HELLS: variants seen among roughly 807,000 people sequenced by gnomAD.
HELLS encodes the protein helicase, lymphoid specific.
HELLS carries 32 observed loss-of-function variants against 120.0 expected under a neutral mutation model. The ratio of observed to expected loss-of-function variants is 0.27; its 90% CI spans 0.20 to 0.36. The LOEUF (loss-of-function observed/expected upper bound fraction) is 0.36, where lower values mean the gene tolerates loss of function less well. Among genes scored for constraint, HELLS ranks in the 10% least tolerant of loss-of-function variants. The pLI is 1.00. For missense variants in HELLS, 650 were observed against 993.4 expected (o/e 0.65, Z 4.65); for synonymous variants, 341 against 323.4 (o/e 1.05, Z -0.58).
Position 94,588,280 on chromosome 10 carries a change from G to T in HELLS, c.1378G>T (p.Val460Phe). 6.2e-7 allele frequency: 1 copy of T among 1,611,128 alleles called. No individual in the cohort carries two copies. The highest frequency in any genetic ancestry group is 8.5e-7 in the Non-Finnish European group (1 of 1,177,986). The change falls in exon 13 of 22, where the codon GTT becomes TTT. Residue 460 changes from valine (V) to phenylalanine (F), a missense_variant. Coordinates refer to ENST00000348459, the MANE Select transcript of HELLS (RefSeq NM_018063.5). ...RRLKSDVALE[V>F]PPKREVVVYA... The stretch of plus-strand genomic sequence containing the variant: ...ACTGAAGTCTGATGTTGCTCTTGAA[G>T]TTCCTCCTAAACGAGAAGTAGTCGT...
chr10:94,567,906 T>TG (rs1491469099), intron 6 of HELLS, among the ~76,000 whole-genome samples: 2 of 33,302 alleles, frequency 6.0e-5, no homozygotes, highest in Non-Finnish European at 1.2e-4. Context: ...GAAACCCTGG[T>TG]TTTTTTTTTT....
chr10:94,604,983 T>G (rs1846112444), downstream of HELLS, among the ~76,000 whole-genome samples: 1 of 151,852 alleles, frequency 6.6e-6, no homozygotes, highest in African/African-American at 2.4e-5. Context: ...GTAGAACTGA[T>G]TCCATCTGGA....
chr10:94,554,075 T>G (rs2133996753), intron 2 of HELLS, 51 bp from the exon 3 acceptor site: 1 of 1,497,530 alleles, frequency 6.7e-7, no homozygotes, highest in Middle Eastern at 1.7e-4. Flanking sequence ...CCAAAAAAAT[T>G]AAGGTATGTC....
chr10:94,552,314 CTT>C (rs1274608638), intron 2 of HELLS, among the ~76,000 whole-genome samples: 2 of 152,054 alleles, frequency 1.3e-5, no homozygotes, highest in African/African-American at 2.4e-5. Flanking sequence ...CTAAAGTTAA[CTT>C]AAGTGTGATT....
intron 6 of HELLS, among the ~76,000 whole-genome samples, chr10:94,567,020 CT>C (rs1843834214): frequency 6.6e-6 from 1 of 152,148 alleles, no homozygotes; most frequent in South Asian, 2.1e-4. Context: ...ATTTCCTGCT[CT>C]CTTTTCCTCT....
exon 10 of HELLS, chr10:94,610,209 A>G (rs1846175648): frequency 6.6e-6 from 1 of 152,160 alleles, no homozygotes; most frequent in Non-Finnish European, 1.5e-5. Context: ...TGTCACCACT[A>G]TATAACAGCA....
At chr10:94,559,982 C>T (rs1843471345) in intron 4 of HELLS, among the ~76,000 whole-genome samples, 2 of 152,108 alleles carry the variant, frequency 1.3e-5, no homozygotes, top group Admixed American at 1.3e-4. Context: ...GATTTGAACC[C>T]AGGATTAGTT....
intron 8 of HELLS, 75 bp downstream of exon 8, chr10:94,574,262 C>T: frequency 1.1e-6 from 1 of 949,968 alleles, no homozygotes; most frequent in Non-Finnish European, 1.7e-6. Context: ...GGTACCACAA[C>T]TTGAGTCATT....
intron 10 of HELLS, among the ~76,000 whole-genome samples, chr10:94,580,185 ATT>A (rs57237348): frequency 0.3 from 20,592 of 67,736 alleles, 1,939 homozygotes; most frequent in East Asian, 0.51. Context: ...ACACACACAC[ATT>A]TTTTTTTTTT....
chr10:94,570,356 A>G (rs1844079438), intron 6 of HELLS: 3 of 152,172 alleles, frequency 2.0e-5, no homozygotes, highest in Admixed American at 2.0e-4. Context: ...ATTTTACAGG[A>G]CAGCTTTTAT....
In HELLS at chr10:94,546,358, A is replaced by G. The variant is rs757060463; in HGVS notation, c.32-19A>G. On this transcript the variant is annotated intron_variant, in intron 1 of 21. Transcript: ENST00000348459. ...TAATTTTTTTAAAACTGCAATTTGA[A>G]AGCTTTCTCCCCCGTCAGGCTCGGA... 4.3e-6 allele frequency: 7 copies of G among 1,613,858 alleles called. No homozygotes were observed. In the South Asian group the frequency reaches 7.7e-5, roughly 18 times the overall value.
chr10:94,580,174 CA>C (rs1844788267), intron 10 of HELLS, among the ~76,000 whole-genome samples: 1 of 116,682 alleles, frequency 8.6e-6, no homozygotes, highest in Non-Finnish European at 1.8e-5. Context: ...CACACACACA[CA>C]CACACACACA....
chr10:94,595,737 T>C (rs1845707915), intron 19 of HELLS, among the ~76,000 whole-genome samples: 1 of 152,224 alleles, frequency 6.6e-6, no homozygotes, highest in Non-Finnish European at 1.5e-5. Context: ...AAATTTTCTT[T>C]GAATAAATGG....
At chr10:94,575,553 G>C (rs1188191348) in intron 9 of HELLS, among the ~76,000 whole-genome samples, 1 of 151,734 alleles carries the variant, frequency 6.6e-6, no homozygotes, top group Non-Finnish European at 1.5e-5. Context: ...GAGTGTAGTA[G>C]CTGGGACTAC....
rs566490324 is a variant in HELLS at position 94,585,246 on chromosome 10, GAT to G, written c.1326+2190_1326+2191del. Among the ~76,000 whole-genome samples the G allele has an allele frequency of 3.3e-4, 50 of 151,444 alleles. 1 individual carries two copies. In the South Asian group the frequency reaches 1.0e-2, roughly 30 times the overall value. The stretch of plus-strand genomic sequence containing the variant: ...TTTTAAAATTATGCGTACACGGTAA[GAT>G]ATTTTTAAATGTTATAAACATTTAG... On this transcript the variant is annotated intron_variant, in intron 12 of 21. Coordinates refer to ENST00000348459, the MANE Select transcript of HELLS (RefSeq NM_018063.5).
Position 94,601,552 on chromosome 10 carries a change from T to A in HELLS, c.2447T>A (p.Ile816Asn). The A allele has an allele frequency of 1.3e-6, 2 of 1,571,804 alleles. No individual in the cohort carries two copies. The highest frequency in any genetic ancestry group is 1.7e-6 in the Non-Finnish European group (2 of 1,146,020). ...LIDQMNASGP[I>N]KEKMGIFKIL... Reference sequence around the variant, plus strand: ...GATCAAATGAATGCTTCAGGACCAATTAAAGAGAAGATGGGGATATTCAAG... The same window carrying A: ...GATCAAATGAATGCTTCAGGACCAAATAAAGAGAAGATGGGGATATTCAAG... Residue 816 changes from isoleucine to asparagine, a missense_variant, in exon 22 of 22, where the codon ATT becomes AAT. By Grantham distance (149) the Ile-to-Asn change is moderately radical. Around this residue, in one of 9 missense-constraint regions of HELLS, gnomAD observed 90 missense variants for 109.2 expected, o/e 0.82. Transcript: ENST00000348459.
chr10:94,592,636 T>C (rs1438962266), intron 17 of HELLS, 122 bp downstream of exon 17: 3 of 632,088 alleles, frequency 4.7e-6, no homozygotes, highest in African/African-American at 1.9e-5. Flanking sequence ...AGAAACCCTG[T>C]GGTTTTATCA....
rs551833738 is a variant in HELLS at position 94,561,085 on chromosome 10, A to C, written c.334-1606A>C. Among the ~76,000 whole-genome samples, 38 of 148,826 alleles carry C rather than the reference A, an allele frequency of 2.6e-4. 1 individual carries two copies. The South Asian group carries it at 3.6e-3, about 14-fold the overall frequency. Reference sequence around the variant, plus strand: ...AAAAAAACAAAAAAACAAAAAAAAAACCCTCTGATCCTTGACTCACTTGCT... The same window carrying C: ...AAAAAAACAAAAAAACAAAAAAAAACCCCTCTGATCCTTGACTCACTTGCT... On this transcript the variant is annotated intron_variant, in intron 4 of 21. Transcript: ENST00000348459.
chr10:94,612,797 A>G (rs1039794325), exon 10 of HELLS: 3 of 152,244 alleles, frequency 2.0e-5, no homozygotes, highest in Admixed American at 6.5e-5. Context: ...GGTGGCACAC[A>G]TACCTGTAAT....
Sources: allele counts gnomAD v4.1 joint callset (sites outside exome capture counted in the v4.1 genomes callset), GRCh38; gene constraint gnomAD v4.1.1; regional missense constraint gnomAD v4.1.1; transcripts MANE v1.5; gene names NCBI Gene and HGNC (gene_info 2026-07-23, HGNC 2026-07-21).